Variants in PRDM16 observed in about 807,000 individuals in gnomAD.
PRDM16 encodes the protein histone-lysine N-methyltransferase PRDM16.
Under a neutral mutation model 110.6 loss-of-function variants are expected in PRDM16, and 23 were observed. That is an observed-to-expected ratio of 0.21 (90% CI 0.15 to 0.29). The LOEUF (loss-of-function observed/expected upper bound fraction) is 0.29. Among genes scored for constraint, PRDM16 ranks in the 10% least tolerant of loss-of-function variants. The probability of loss-of-function intolerance (pLI) is 1.00; values close to 1 mark genes in which losing one functional copy is unlikely to be tolerated. For missense variants in PRDM16, 1,615 were observed against 1,794.3 expected (o/e 0.90, Z 1.81); for synonymous variants, 799 against 781.8 (o/e 1.02, Z -0.37).
rs534689591 is a variant in PRDM16, at chr1:3,325,402, C to A, written c.439-59750C>A. Among the ~76,000 whole-genome samples the A allele has an allele frequency of 4.6e-5, 7 of 152,278 alleles. No homozygotes were observed. In the South Asian group the frequency reaches 1.5e-3, roughly 32 times the overall value. On this transcript the variant is annotated intron_variant, in intron 3 of 16. Coordinates refer to ENST00000270722, the MANE Select transcript of PRDM16 (RefSeq NM_022114.4). ...GGGGATGCCCTTCCTGGGAATGGAC[C>A]GAGTCCTTGTGGCAGAGGCTGAGGG...
At chr1:3,221,756 A>C (rs938507660) in intron 2 of PRDM16, among the ~76,000 whole-genome samples, 1 of 152,218 alleles carries the variant, frequency 6.6e-6, no homozygotes, top group Middle Eastern at 3.2e-3. Context: ...CATGTGTGCA[A>C]ACAGTGACAT....
chr1:3,070,691 G>A (rs1641732654), intron 1 of PRDM16, among the ~76,000 whole-genome samples: 1 of 152,018 alleles, frequency 6.6e-6, no homozygotes, highest in African/African-American at 2.4e-5. Context: ...CCGGGTGCGC[G>A]CGGGACTCGC....
intron 3 of PRDM16, among the ~76,000 whole-genome samples, chr1:3,259,806 C>G (rs72632123): frequency 0.036 from 5,443 of 152,200 alleles, 119 homozygotes; most frequent in Middle Eastern, 0.088. Flanking sequence ...TCCACTGGGC[C>G]TGGGATATGC....
chr1:3,336,680 ATG>A (rs1234199469), intron 3 of PRDM16, among the ~76,000 whole-genome samples: 47 of 64,458 alleles, frequency 7.3e-4, no homozygotes, highest in African/African-American at 2.9e-3. Context: ...TCACACACAT[ATG>A]TGTTTTTGTG....
chr1:3,275,622 G>A (rs746959856), intron 3 of PRDM16, among the ~76,000 whole-genome samples: 1 of 152,200 alleles, frequency 6.6e-6, no homozygotes, highest in Middle Eastern at 3.2e-3. Context: ...CGAACCAAAC[G>A]CCAGAGCCGG....
chr1:3,387,092 T>C (rs1643213474), intron 4 of PRDM16, among the ~76,000 whole-genome samples: 1 of 152,210 alleles, frequency 6.6e-6, no homozygotes, highest in Non-Finnish European at 1.5e-5. Flanking sequence ...TGCAGCCAAC[T>C]GTGTTTCCAT....
chr1:3,311,996 G>T (rs1641472733), intron 3 of PRDM16, among the ~76,000 whole-genome samples: 1 of 152,246 alleles, frequency 6.6e-6, no homozygotes, highest in Non-Finnish European at 1.5e-5. Flanking sequence ...GGAGCCCCAA[G>T]AAAGCTGCTT....
At chr1:3,075,128 C>T (rs968652676) in intron 1 of PRDM16, among the ~76,000 whole-genome samples, 5 of 152,246 alleles carry the variant, frequency 3.3e-5, no homozygotes, top group African/African-American at 1.2e-4. Context: ...GCCTGAGACG[C>T]GGGAACAATG....
At chr1:3,352,038 C>G (rs536690106) in intron 3 of PRDM16, among the ~76,000 whole-genome samples, 4 of 152,268 alleles carry the variant, frequency 2.6e-5, no homozygotes, top group African/African-American at 7.2e-5. Flanking sequence ...GGAGAGGAGA[C>G]ACTCCTGCGA....
At chr1:3,256,138 G>A (rs17398063) in intron 3 of PRDM16, among the ~76,000 whole-genome samples, 24,441 of 152,170 alleles carry the variant, frequency 0.16, 2,261 homozygotes, top group Middle Eastern at 0.24. Flanking sequence ...GGAGACATCC[G>A]GATAAGAGAA....
At chr1:3,323,065 G>A (rs916117181) in intron 3 of PRDM16, among the ~76,000 whole-genome samples, 1 of 152,332 alleles carries the variant, frequency 6.6e-6, no homozygotes, top group East Asian at 1.9e-4. Context: ...AGAGCAGCCC[G>A]TTTCATGTTG....
intron 1 of PRDM16, among the ~76,000 whole-genome samples, chr1:3,114,155 ACACACACACGCACACACACG>A (rs776244700): frequency 1.6e-4 from 22 of 139,498 alleles, no homozygotes; most frequent in Admixed American, 3.0e-4. Flanking sequence ...GCACACACGC[ACACACACACGCACACACACG>A]CACACACACG....
At chr1:3,395,093 G>T (rs745733220) in intron 4 of PRDM16, among the ~76,000 whole-genome samples, 5 of 152,204 alleles carry the variant, frequency 3.3e-5, no homozygotes, top group Non-Finnish European at 7.3e-5. Flanking sequence ...TTACCGTCAC[G>T]CTGTGACTTA....
intron 1 of PRDM16, among the ~76,000 whole-genome samples, chr1:3,083,374 T>G (rs889661700): frequency 5.9e-5 from 9 of 152,228 alleles, no homozygotes; most frequent in Admixed American, 2.0e-4. Context: ...GGGCTGGGCC[T>G]GGCGCTGGCG....
chr1:3,384,528 C>T (rs1643162826), intron 3 of PRDM16, among the ~76,000 whole-genome samples: 1 of 152,214 alleles, frequency 6.6e-6, no homozygotes, highest in African/African-American at 2.4e-5. Context: ...TCTGCCCGTT[C>T]AGAGGCAACA....
intron 1 of PRDM16, among the ~76,000 whole-genome samples, chr1:3,114,177 A>G (rs59561226): frequency 7.3e-4 from 73 of 99,900 alleles, no homozygotes; most frequent in South Asian, 2.3e-3. Context: ...ACACACACGC[A>G]CACACACGCA....
intron 1 of PRDM16, among the ~76,000 whole-genome samples, chr1:3,117,492 T>C (rs1210422797): frequency 6.6e-6 from 1 of 152,102 alleles, no homozygotes; most frequent in Non-Finnish European, 1.5e-5. Context: ...GTCTAGAGCC[T>C]GGGGGCATCG....
chr1:3,150,294 G>A (rs910623476), intron 1 of PRDM16, among the ~76,000 whole-genome samples: 1 of 151,810 alleles, frequency 6.6e-6, no homozygotes, highest in Non-Finnish European at 1.5e-5. Context: ...AGTGGGTCAC[G>A]CCTGTAATCC....
intron 3 of PRDM16, among the ~76,000 whole-genome samples, chr1:3,357,037 T>G (rs888648337): frequency 7.2e-5 from 11 of 152,118 alleles, no homozygotes; most frequent in Admixed American, 1.3e-4. Context: ...CAGCCCCAAC[T>G]GAGGACCCTG....
Sources: gnomAD v4.1 joint callset for allele counts (sites outside exome capture counted in the v4.1 genomes callset) on GRCh38, gnomAD v4.1.1 for gene constraint, MANE v1.5 for transcripts, NCBI Gene and HGNC (gene_info 2026-07-23, HGNC 2026-07-21) for gene names.